Variants in ZBTB4 observed in about 807,000 individuals in gnomAD.
ZBTB4 encodes zinc finger and BTB domain-containing protein 4.
A neutral mutation model predicts 59.8 loss-of-function variants in ZBTB4; 14 were observed. The observed-to-expected ratio is 0.23, with a 90% CI of 0.15 to 0.37. The LOEUF is 0.37. ZBTB4 is among the 10% of genes least tolerant of loss of function. The pLI, the probability that ZBTB4 is intolerant of heterozygous loss-of-function variation, is 1.00. For missense variants in ZBTB4, 1,198 were observed against 1,380.8 expected (o/e 0.87, Z 2.10); for synonymous variants, 587 against 575.2 (o/e 1.02, Z -0.29).
At chr17:7,479,131 G>C (rs963374013) in intron 1 of ZBTB4, among the ~76,000 whole-genome samples, 3 of 152,112 alleles carry the variant, frequency 2.0e-5, no homozygotes, top group Non-Finnish European at 4.4e-5. Context: ...TGCCCCACGG[G>C]GGGAGGGGGC....
At chr17:7,481,254 T>C (rs1000743261), upstream of ZBTB4, 182 of 321,062 alleles carry the variant, frequency 5.7e-4, 1 homozygote, top group Non-Finnish European at 2.1e-4. Flanking sequence ...CGCTTGAATC[T>C]GGGAGGTGGA....
intron 1 of ZBTB4, among the ~76,000 whole-genome samples, chr17:7,472,118 G>A (rs2070205623): frequency 6.6e-6 from 1 of 151,948 alleles, no homozygotes; most frequent in Non-Finnish European, 1.5e-5. Flanking sequence ...GGCCTTCCCT[G>A]GCCACTCCCC....
chr17:7,468,329 C>T (rs2070155072), intron 1 of ZBTB4, among the ~76,000 whole-genome samples: 1 of 152,012 alleles, frequency 6.6e-6, no homozygotes, highest in Non-Finnish European at 1.5e-5. Flanking sequence ...GACGAGGTCA[C>T]GCCACTGCAC....
chr17:7,477,273 A>G (rs2070281571), intron 1 of ZBTB4, among the ~76,000 whole-genome samples: 1 of 152,194 alleles, frequency 6.6e-6, no homozygotes, highest in Admixed American at 6.5e-5. Flanking sequence ...GTGCTTTTGG[A>G]AGATACGCAG....
chr17:7,466,663 C>T lies in ZBTB4; in HGVS notation c.139G>A (p.Val47Ile), dbSNP rs945714451. ...GDTKFPAHRS[V>I]LAASSPFFRE... ...AAGAAGGGACTTGAAGCAGCCAGGA[C>T]GCTGCGGTGAGCAGGGAACTTGGTG... The change falls in exon 3 of 4, where the codon GTC becomes ATC. Residue 47 changes from valine (V) to isoleucine (I), a missense_variant. Transcript: ENST00000380599. The surrounding 1 kb of genome is among the most constrained non-coding windows in gnomAD (Gnocchi z 9.1). 3.7e-6 allele frequency: 6 copies of T among 1,613,326 alleles called. No individual in the cohort carries two copies. The highest frequency in any genetic ancestry group is 4.5e-5 in the East Asian group (2 of 44,842).
Position 7,466,772 on chromosome 17 carries a change from C to T in ZBTB4, c.30G>A (p.Pro10=), listed in dbSNP as rs753337722. 162 of 1,578,888 alleles carry T rather than the reference C, an allele frequency of 1.0e-4. No individual in the cohort carries two copies. The highest frequency in any genetic ancestry group is 1.3e-4 in the Non-Finnish European group (155 of 1,163,846). ...GGCGCAGGACGGCGGGGGCATGGGA[C>T]GGGTCCGTCACCTCTGCAGGGGGGG... MPPPAEVTD[P]SHAPAVLRQL... Residue 10 remains proline, a synonymous_variant, in exon 3 of 4, where the codon CCG becomes CCA. Coordinates refer to ENST00000380599, the MANE Select transcript of ZBTB4 (RefSeq NM_001128833.2). This position sits in a 1 kb window ranked among gnomAD's most constrained non-coding sequence, Gnocchi z 9.1.
chr17:7,482,558 G>C, upstream of ZBTB4: 2 of 1,612,586 alleles, frequency 1.2e-6, no homozygotes, highest in Non-Finnish European at 1.7e-6. Context: ...CACCGCCCTG[G>C]GCTATGGGCA....
At chr17:7,482,384 C>A, upstream of ZBTB4, 1 of 1,608,450 alleles carries the variant, frequency 6.2e-7, no homozygotes, top group African/African-American at 1.3e-5. Flanking sequence ...TGCCACTGTT[C>A]GCAAAGGTTC....
At position 7,460,977 on chromosome 17, in the gene ZBTB4, C is replaced by T. The variant is rs1197392941; in HGVS notation, c.*963G>A. ...CACCCATCCGACCCCTATCATTTTT[C>T]TGGCTATTTGGTCTAGTCTGGGAGA... On this transcript the variant is annotated 3_prime_UTR_variant, in exon 4 of 4. Transcript: ENST00000380599. The T allele has an allele frequency of 6.6e-6, 1 of 152,558 alleles. No individual in the cohort carries two copies. The highest frequency in any genetic ancestry group is 6.5e-5 in the Admixed American group (1 of 15,270). 9.5% of individuals were successfully genotyped at this position (152,558 alleles called of 1,614,324 possible).
intron 1 of ZBTB4, among the ~76,000 whole-genome samples, chr17:7,474,821 G>C (rs2070247206): frequency 6.6e-6 from 1 of 150,770 alleles, no homozygotes; most frequent in Non-Finnish European, 1.5e-5. Flanking sequence ...AGACCAGCCT[G>C]GCCAACATGA....
upstream of ZBTB4, chr17:7,483,188 C>T: frequency 2.6e-6 from 3 of 1,157,602 alleles, no homozygotes; most frequent in Admixed American, 5.4e-5. Flanking sequence ...CAGCCTGGGA[C>T]CAAGGGATGT....
intron 1 of ZBTB4, among the ~76,000 whole-genome samples, chr17:7,468,181 A>G (rs974085090): frequency 2.0e-5 from 3 of 151,860 alleles, no homozygotes; most frequent in African/African-American, 7.3e-5. Context: ...GACCAGCCTG[A>G]CCAACATGGT....
intron 1 of ZBTB4, among the ~76,000 whole-genome samples, chr17:7,475,877 C>T (rs1434380500): frequency 6.6e-6 from 1 of 152,226 alleles, no homozygotes; most frequent in African/African-American, 2.4e-5. Flanking sequence ...TTCCCTCTGC[C>T]ATACTGCTAG....
chr17:7,474,640 A>G (rs2070244750), intron 1 of ZBTB4, among the ~76,000 whole-genome samples: 1 of 152,132 alleles, frequency 6.6e-6, no homozygotes, highest in Admixed American at 6.5e-5. Context: ...ACCTGTCCTC[A>G]AAGTCCATCC....
At chr17:7,464,893 A>G (rs545847435) in intron 3 of ZBTB4, among the ~76,000 whole-genome samples, 19 of 150,356 alleles carry the variant, frequency 1.3e-4, no homozygotes, top group Admixed American at 3.3e-4. Context: ...GCGGTGGCTC[A>G]TGCCTGTAAT....
chr17:7,463,609 C>T lies in ZBTB4; in HGVS notation c.1373G>A (p.Gly458Glu), dbSNP rs1466632704. The change falls in exon 4 of 4, where the codon GGG becomes GAG. Residue 458 changes from glycine to glutamate, a missense_variant. By Grantham distance (98) the Gly-to-Glu change is moderately conservative. Transcript: ENST00000380599. The stretch of plus-strand genomic sequence containing the variant: ...GCCAGGCTCTGGGGCAGGTGGAGGC[C>T]CAGGCGGCGGGCTGGCTGGCATTGC... ...PVAMPASPPP[G>E]PPPAPEPGPP... The T allele has an allele frequency of 1.9e-6, 3 of 1,603,930 alleles. No individual in the cohort carries two copies. Among genetic ancestry groups the T allele is most frequent in the South Asian group, 2.2e-5 (2 of 89,764 alleles).
upstream of ZBTB4, chr17:7,482,621 C>T (rs1044357762): frequency 8.7e-6 from 14 of 1,612,088 alleles, no homozygotes; most frequent in Non-Finnish European, 1.2e-5. Context: ...CTATCGTTCT[C>T]TGCACTTTCC....
chr17:7,466,599 G>A lies in ZBTB4; in HGVS notation c.203C>T (p.Pro68Leu), dbSNP rs761949662. The A allele has an allele frequency of 4.3e-6, 7 of 1,613,662 alleles. No individual in the cohort carries two copies. Among genetic ancestry groups the A allele is most frequent in the Middle Eastern group, 3.3e-4 (2 of 6,052 alleles). ...GGGTGCGGCGCCCCCAGTAGCTGGTGGAAGGGGTAGTGGGGCTGAAGTGAG... is the reference window on the plus strand; with the variant it reads ...GGGTGCGGCGCCCCCAGTAGCTGGTAGAAGGGGTAGTGGGGCTGAAGTGAG... ...ALLTSAPLPL[P>L]PATGGAAPNP... is the part of the protein sequence containing the mutation. Residue 68 changes from proline to leucine, a missense_variant, in exon 3 of 4, where the codon CCA (proline) becomes CTA (leucine). Pro to Leu is a moderately conservative substitution (Grantham distance 98). Transcript: ENST00000380599. The surrounding 1 kb of genome is among the most constrained non-coding windows in gnomAD (Gnocchi z 9.1).
chr17:7,464,215 A>G (rs1045323347), intron 3 of ZBTB4, among the ~76,000 whole-genome samples: 5 of 152,216 alleles, frequency 3.3e-5, no homozygotes, highest in Admixed American at 2.0e-4. Flanking sequence ...GGAATAGTGT[A>G]ATGACTCCCG....
Sources: allele counts gnomAD v4.1 joint callset (sites outside exome capture counted in the v4.1 genomes callset), GRCh38; gene constraint gnomAD v4.1.1; non-coding constraint Gnocchi (gnomAD v3.1); transcripts MANE v1.5; gene names NCBI Gene and HGNC (gene_info 2026-07-23, HGNC 2026-07-21).